HECW2: variants seen among roughly 807,000 people sequenced by gnomAD.
HECW2 encodes the protein HECT, C2 and WW domain containing E3 ubiquitin protein ligase 2.
Under a neutral mutation model 175.2 loss-of-function variants are expected in HECW2, and 61 were observed. The ratio of observed to expected loss-of-function variants is 0.35; its 90% CI spans 0.28 to 0.43. The LOEUF is 0.43. Among genes scored for constraint, HECW2 ranks in the 20% least tolerant of loss-of-function variants. HECW2 has a pLI of 1.00. For synonymous variants in HECW2, 671 were observed against 731.0 expected, an observed-to-expected ratio of 0.92 and a Z score of 1.32; for missense variants, 1,524 against 2,000.5, an observed-to-expected ratio of 0.76 and a Z score of 4.54.
At chr2:196,484,733 C>A (rs534219222) in intron 1 of HECW2, among the ~76,000 whole-genome samples, 2 of 152,296 alleles carry the variant, frequency 1.3e-5, no homozygotes, top group East Asian at 3.9e-4. Context: ...CCATGCCAGG[C>A]ACCGCCCTCC....
At chr2:196,553,285 T>C (rs116752542) in intron 1 of HECW2, among the ~76,000 whole-genome samples, 2,319 of 152,330 alleles carry the variant, frequency 0.015, 26 homozygotes, top group Middle Eastern at 0.031. Flanking sequence ...ACCAAGTTAA[T>C]TGAAGTTGCA....
chr2:196,380,464 G>A lies in HECW2; in HGVS notation c.293-36700C>T, dbSNP rs566060131. ...CTCTTTCTCTATATTGTCCTTTTCC[G>A]TTTTTTTCTGTTAGTCCCTTATGTG... On this transcript the variant is annotated intron_variant, in intron 2 of 28. Transcript: ENST00000644978. 9.9e-5 allele frequency among the ~76,000 whole-genome samples: 15 copies of A among 152,160 alleles called. No homozygotes were observed. In the South Asian group the frequency reaches 1.0e-3, roughly 11 times the overall value.
chr2:196,367,504 A>C (rs979563287), intron 2 of HECW2, among the ~76,000 whole-genome samples: 1 of 152,046 alleles, frequency 6.6e-6, no homozygotes. Context: ...ATTCAATTAT[A>C]CTCTTAGTTA....
At chr2:196,452,794 TAA>T (rs201131840) in intron 1 of HECW2, among the ~76,000 whole-genome samples, 30 of 105,616 alleles carry the variant, frequency 2.8e-4, no homozygotes, top group Admixed American at 6.0e-4. Context: ...CCCAAAGCAC[TAA>T]AAAAAAAAAA....
chr2:196,412,979 T>G (rs1219266587), intron 2 of HECW2, among the ~76,000 whole-genome samples: 1 of 152,172 alleles, frequency 6.6e-6, no homozygotes, highest in Non-Finnish European at 1.5e-5. Context: ...ACCTGTTAAC[T>G]TCCTCCTCTG....
intron 13 of HECW2, among the ~76,000 whole-genome samples, chr2:196,304,317 C>T (rs910685851): frequency 6.6e-6 from 1 of 152,040 alleles, no homozygotes; most frequent in Non-Finnish European, 1.5e-5. Context: ...CCTTCCTGTC[C>T]ACCTGATCTA....
chr2:196,325,207 A>T, intron 5 of HECW2, 58 bp from the exon 6 acceptor site: 1 of 1,331,370 alleles, frequency 7.5e-7, no homozygotes, highest in African/African-American at 1.5e-5. Context: ...GGGAGGGAGG[A>T]AAGAAAGGAG....
At chr2:196,238,463 AT>A (rs1553635261) in intron 21 of HECW2, 1 of 2,666 alleles carries the variant, frequency 3.8e-4, no homozygotes, top group African/African-American at 4.7e-4. Context: ...TTCTTTCTTT[AT>A]TTTTTTTAGC....
chr2:196,437,526 C>T (rs997234615), intron 1 of HECW2, among the ~76,000 whole-genome samples: 6 of 143,090 alleles, frequency 4.2e-5, no homozygotes, highest in African/African-American at 1.5e-4. Context: ...GCACGAGAAT[C>T]GCTTGAACCA....
chr2:196,257,381 G>A (rs1376899438), intron 18 of HECW2, among the ~76,000 whole-genome samples: 2 of 152,082 alleles, frequency 1.3e-5, no homozygotes, highest in Non-Finnish European at 2.9e-5. Flanking sequence ...TTTCCCAAAC[G>A]TACACCCTCA....
intron 1 of HECW2, among the ~76,000 whole-genome samples, chr2:196,473,089 T>C (rs1034462808): frequency 2.6e-5 from 4 of 152,262 alleles, no homozygotes; most frequent in East Asian, 1.9e-4. Context: ...CTGATAGCAA[T>C]TGATCGTGAC....
rs1318944181 is a variant in HECW2 at position 196,195,567 on chromosome 2, T to C, written c.*5710A>G. ...TCCTGACTTGGAAACACTAATTTAG[T>C]CTCCATTTGCAACCTCACTCTTAGG... is the stretch of plus-strand genomic sequence containing the variant. On this transcript the variant is annotated 3_prime_UTR_variant, in exon 29 of 29. Coordinates refer to ENST00000644978, the MANE Select transcript of HECW2 (RefSeq NM_001348768.2). 1.3e-5 allele frequency: 2 copies of C among 152,194 alleles called. No individual in the cohort carries two copies. The highest frequency in any genetic ancestry group is 2.4e-5 in the African/African-American group (1 of 41,446). 9.4% of individuals were successfully genotyped at this position (152,194 alleles called of 1,614,324 possible). A position where few individuals can be genotyped will look rare whatever the true frequency, so the allele number is the denominator to read the frequency against.
chr2:196,453,407 C>T (rs536569326), intron 1 of HECW2, among the ~76,000 whole-genome samples: 152 of 152,282 alleles, frequency 1.0e-3, no homozygotes, highest in Non-Finnish European at 1.7e-3. Flanking sequence ...ACTTCAATAT[C>T]GGCTAAGACT....
chr2:196,496,933 T>C (rs994632572), intron 1 of HECW2, among the ~76,000 whole-genome samples: 1 of 152,088 alleles, frequency 6.6e-6, no homozygotes, highest in Non-Finnish European at 1.5e-5. Flanking sequence ...CCAGACACTA[T>C]GAAAAACTAG....
At chr2:196,444,786 G>A (rs1696136396) in intron 1 of HECW2, among the ~76,000 whole-genome samples, 1 of 152,226 alleles carries the variant, frequency 6.6e-6, no homozygotes, top group Non-Finnish European at 1.5e-5. Context: ...TTAGCAAATG[G>A]TTGCATAGTC....
At chr2:196,480,834 C>T (rs1298734914) in intron 1 of HECW2, among the ~76,000 whole-genome samples, 1 of 152,190 alleles carries the variant, frequency 6.6e-6, no homozygotes, top group East Asian at 1.9e-4. Flanking sequence ...AATGTCTGAT[C>T]CTGACTCATG....
At position 196,490,703 on chromosome 2, in the gene HECW2, C is replaced by T. The variant is rs1268757457; in HGVS notation, c.-35-57245G>A. 2.0e-5 allele frequency among the ~76,000 whole-genome samples: 3 copies of T among 152,166 alleles called. No homozygotes were observed. The East Asian group carries it at 5.8e-4, about 29-fold the overall frequency. Reference sequence around the variant, plus strand: ...TAAGGCCAAAAAGTAAAAACCAACCCAAATGTCCATGAACTGGTGAATGAT... The same window carrying T: ...TAAGGCCAAAAAGTAAAAACCAACCTAAATGTCCATGAACTGGTGAATGAT... On this transcript the variant is annotated intron_variant, in intron 1 of 28. Coordinates refer to ENST00000644978, the MANE Select transcript of HECW2 (RefSeq NM_001348768.2).
At chr2:196,392,483 A>AT (rs770886096) in intron 2 of HECW2, among the ~76,000 whole-genome samples, 24 of 147,508 alleles carry the variant, frequency 1.6e-4, no homozygotes, top group Admixed American at 4.0e-4. Flanking sequence ...ACATTAAAAA[A>AT]TTTTTGTTAA....
Position 196,307,151 on chromosome 2 carries a change from C to A in HECW2, c.2668G>T (p.Asp890Tyr). Residue 890 changes from aspartate to tyrosine, a missense_variant, in exon 12 of 29, where the codon GAC becomes TAC. Asp to Tyr is a radical substitution (Grantham distance 160). Transcript: ENST00000644978. ...NAIDGAGEEA[D>Y]FHQASADFRR... ...TTACCTGCACTGGCTTGGTGAAAGT[C>A]AGCTTCCTCCCCTGCCCCATCAATA... The A allele has an allele frequency of 6.2e-7, 1 of 1,613,610 alleles. No individual in the cohort carries two copies. The highest frequency in any genetic ancestry group is 1.1e-5 in the South Asian group (1 of 91,062).
Sources: gnomAD v4.1 joint callset for allele counts (sites outside exome capture counted in the v4.1 genomes callset) on GRCh38, gnomAD v4.1.1 for gene constraint, MANE v1.5 for transcripts, NCBI Gene and HGNC (gene_info 2026-07-23, HGNC 2026-07-21) for gene names.